The following MAST4 variants were observed in gnomAD, a reference collection of about 807,000 sequenced individuals.
MAST4 encodes microtubule-associated serine/threonine-protein kinase 4.
MAST4 carries 89 observed loss-of-function variants against 162.7 expected under a neutral mutation model. The ratio of observed to expected loss-of-function variants is 0.55; its 90% CI spans 0.46 to 0.65. The LOEUF (loss-of-function observed/expected upper bound fraction) is 0.65. MAST4 is among the 30% of genes least tolerant of loss of function. MAST4 has a pLI of 0.00. For synonymous variants in MAST4, 1,479 were observed against 1,361.1 expected (o/e 1.09, Z -1.91); for missense variants, 3,153 against 3,374.0 (o/e 0.93, Z 1.62).
At chr5:67,088,563 G>A (rs1460391863) in intron 5 of MAST4, among the ~76,000 whole-genome samples, 1 of 152,144 alleles carries the variant, frequency 6.6e-6, no homozygotes, top group Non-Finnish European at 1.5e-5. Flanking sequence ...CTAAATTAGG[G>A]GTGTTGGGAG....
intron 1 of MAST4, among the ~76,000 whole-genome samples, chr5:66,756,808 G>T (rs958762018): frequency 1.3e-5 from 2 of 152,214 alleles, no homozygotes; most frequent in Admixed American, 1.3e-4. Context: ...GTGATCGGAT[G>T]TGAAGAGGAA....
chr5:67,014,679 A>G (rs1753072307), intron 4 of MAST4, among the ~76,000 whole-genome samples: 1 of 152,220 alleles, frequency 6.6e-6, no homozygotes, highest in Non-Finnish European at 1.5e-5. Flanking sequence ...CTTTCTTAAC[A>G]TTGGAATCCA....
At chr5:66,968,390 A>G (rs575836508) in intron 4 of MAST4, among the ~76,000 whole-genome samples, 3 of 152,210 alleles carry the variant, frequency 2.0e-5, no homozygotes, top group African/African-American at 4.8e-5. Context: ...TTCTCCTTCC[A>G]TCTCCCAAAT....
At chr5:66,886,849 T>C (rs1762072202) in intron 3 of MAST4, among the ~76,000 whole-genome samples, 1 of 151,586 alleles carries the variant, frequency 6.6e-6, no homozygotes, top group African/African-American at 2.4e-5. Context: ...TTAACAAAAA[T>C]AAGAGGCCAC....
chr5:66,930,709 G>A (rs925888102), intron 4 of MAST4: 5 of 470,788 alleles, frequency 1.1e-5, no homozygotes, highest in Non-Finnish European at 2.2e-5. Context: ...GTAAAGAGCT[G>A]CCTTTATACC....
chr5:67,090,180 GT>G lies in MAST4; in HGVS notation c.783del (p.Pro262GlnfsTer95). 6.2e-7 allele frequency: 1 copy of G among 1,612,356 alleles called. No individual in the cohort carries two copies. The highest frequency in any genetic ancestry group is 8.5e-7 in the Non-Finnish European group (1 of 1,178,912). On this transcript the variant is annotated frameshift_variant, in exon 6 of 29. Coordinates refer to ENST00000403625, the MANE Select transcript of MAST4 (RefSeq NM_001164664.2). LOFTEE classifies it high-confidence loss of function. ...TCTCTAGGAAATAGCCCTCAAGATA[GT>G]CCAAGAAATTTCTCCCCCAGTGCCT... Reference protein sequence around the residue: ...SAHAGNSPQDSPRNFSPSASA... With the variant: ...SAHAGNSPQDXPRNFSPSASA...
intron 1 of MAST4, among the ~76,000 whole-genome samples, chr5:66,712,459 G>C (rs922980119): frequency 6.6e-6 from 1 of 152,170 alleles, no homozygotes. Flanking sequence ...AGATGAATAG[G>C]AATCTGCAGA....
chr5:66,871,709 G>A (rs1007575906), intron 3 of MAST4, among the ~76,000 whole-genome samples: 5 of 152,126 alleles, frequency 3.3e-5, no homozygotes, highest in African/African-American at 7.2e-5. Context: ...TTTTCCAGAC[G>A]ACAGTTCCAC....
chr5:66,909,455 G>C lies in MAST4; in HGVS notation c.674+9473G>C, dbSNP rs188921341. On this transcript the variant is annotated intron_variant, in intron 4 of 28. Transcript: ENST00000403625. ...TGCGGTGTATTATAGTGGTCTATAT[G>C]GAAAATTTTAATCATAGAATTTCAG... Among the ~76,000 whole-genome samples the C allele has an allele frequency of 2.0e-4, 30 of 152,236 alleles. 1 individual carries two copies. Among genetic ancestry groups the C allele is most frequent in the Admixed American group, 2.0e-3 (30 of 15,284 alleles).
chr5:67,069,307 TATATAA>T (rs1035636878), intron 5 of MAST4, among the ~76,000 whole-genome samples: 44 of 142,938 alleles, frequency 3.1e-4, no homozygotes, highest in Non-Finnish European at 6.1e-4. Context: ...TATATATATA[TATATAA>T]AATTTTAAAA....
intron 26 of MAST4, among the ~76,000 whole-genome samples, chr5:67,156,085 T>C (rs1003752035): frequency 1.3e-5 from 2 of 148,164 alleles, no homozygotes; most frequent in Non-Finnish European, 3.0e-5. Context: ...AAAAGACACG[T>C]AAGGATAATA....
intron 4 of MAST4, among the ~76,000 whole-genome samples, chr5:66,957,300 T>A (rs1209174434): frequency 2.6e-5 from 4 of 152,102 alleles, no homozygotes; most frequent in Non-Finnish European, 4.4e-5. Flanking sequence ...CCCGACCAAC[T>A]TTCCTAAGGA....
At chr5:66,630,121 G>T (rs1744702816) in intron 1 of MAST4, among the ~76,000 whole-genome samples, 2 of 152,080 alleles carry the variant, frequency 1.3e-5, no homozygotes. Flanking sequence ...CCACTGTCTA[G>T]ACCAACCAAA....
chr5:67,166,988 T>C lies in MAST4; in HGVS notation c.7809T>C (p.Phe2603=). The change falls in exon 29 of 29, where the codon TTT becomes TTC. Residue 2603 remains phenylalanine, a synonymous_variant. Transcript: ENST00000403625. The stretch of plus-strand genomic sequence containing the variant: ...TCTCTCTTTCTAATGAGAAGGACTT[T>C]GTGGTACGGCAGAGGCGGGGGAAAG... ...RPISLSNEKD[F]VVRQRRGKES... is the part of the protein sequence containing the mutation. 1.2e-6 allele frequency: 2 copies of C among 1,611,572 alleles called. No individual in the cohort carries two copies. Among genetic ancestry groups the C allele is most frequent in the East Asian group, 2.2e-5 (1 of 44,860 alleles).
chr5:66,665,419 A>T (rs977644111), intron 1 of MAST4, among the ~76,000 whole-genome samples: 1 of 152,192 alleles, frequency 6.6e-6, no homozygotes, highest in African/African-American at 2.4e-5. Flanking sequence ...ATTTGCCTTT[A>T]AATAATTAAT....
At chr5:67,134,716 G>C (rs780319473) in intron 18 of MAST4, 28 bp downstream of exon 18, 1 of 1,579,678 alleles carries the variant, frequency 6.3e-7, no homozygotes, top group Non-Finnish European at 8.7e-7. Flanking sequence ...TTATCTTTAG[G>C]TCACTGTTGG....
rs903145987 is a variant in MAST4 at position 67,078,429 on chromosome 5, G to A, written c.764-11733G>A. ...GTTTGTACAAAAAGAAACACAAATC[G>A]TCAGTTAACATTAAAAGATGCTCAG... On this transcript the variant is annotated intron_variant, in intron 5 of 28. Transcript: ENST00000403625. Among the ~76,000 whole-genome samples the A allele has an allele frequency of 4.0e-5, 6 of 150,348 alleles. No homozygotes were observed. In the South Asian group the frequency reaches 6.3e-4, roughly 16 times the overall value.
chr5:66,956,136 T>C lies in MAST4; in HGVS notation c.674+56154T>C, dbSNP rs936541142. On this transcript the variant is annotated intron_variant, in intron 4 of 28. Transcript: ENST00000403625. ...CTGTGCCTGGCCTTCTTTTAAACTTTGGGTTCCCTTTCCATCTTCCCCCTC... is the reference window on the plus strand; with the variant it reads ...CTGTGCCTGGCCTTCTTTTAAACTTCGGGTTCCCTTTCCATCTTCCCCCTC... Among the ~76,000 whole-genome samples the C allele has an allele frequency of 3.9e-5, 6 of 152,212 alleles. 1 individual carries two copies. The highest frequency in any genetic ancestry group is 3.9e-4 in the Admixed American group (6 of 15,280).
At chr5:67,143,454 G>A (rs759624841) in intron 21 of MAST4, among the ~76,000 whole-genome samples, 2 of 152,158 alleles carry the variant, frequency 1.3e-5, no homozygotes, top group Admixed American at 6.5e-5. Context: ...TGATAGTACT[G>A]AGACAGAACA....
Sources: allele counts gnomAD v4.1 joint callset (sites outside exome capture counted in the v4.1 genomes callset), GRCh38; gene constraint gnomAD v4.1.1; transcripts MANE v1.5; gene names NCBI Gene and HGNC (gene_info 2026-07-23, HGNC 2026-07-21).